CTNNA3: variants seen among roughly 807,000 people sequenced by gnomAD.
CTNNA3 encodes the protein catenin alpha-3.
Under a neutral mutation model 95.7 loss-of-function variants are expected in CTNNA3, and 76 were observed. That is an observed-to-expected ratio of 0.79 (90% CI 0.66 to 0.96). CTNNA3 has a LOEUF of 0.96. CTNNA3 is among the 40% of genes least tolerant of loss of function. CTNNA3 has a pLI of 0.00. For missense variants in CTNNA3, 1,191 were observed against 1,089.8 expected, an observed-to-expected ratio of 1.09 and a Z score of -1.31; for synonymous variants, 431 against 374.4, an observed-to-expected ratio of 1.15 and a Z score of -1.74.
chr10:67,129,686 T>A (rs972075251), intron 7 of CTNNA3, among the ~76,000 whole-genome samples: 2 of 152,154 alleles, frequency 1.3e-5, no homozygotes, highest in Non-Finnish European at 2.9e-5. Flanking sequence ...TTTCTTTACT[T>A]CCTTATGCCC....
intron 10 of CTNNA3, among the ~76,000 whole-genome samples, chr10:66,530,382 G>T (rs1841425334): frequency 6.6e-6 from 1 of 152,080 alleles, no homozygotes; most frequent in Admixed American, 6.5e-5. Context: ...CAAATTCAAT[G>T]CTCTAACTCT....
At chr10:65,950,628 CA>C (rs1408484588) in intron 17 of CTNNA3, among the ~76,000 whole-genome samples, 1 of 152,134 alleles carries the variant, frequency 6.6e-6, no homozygotes, top group Admixed American at 6.5e-5. Context: ...GTTTAGCACA[CA>C]AGAGAAATAA....
At chr10:67,054,802 C>T (rs537497624) in intron 7 of CTNNA3, 9 of 152,212 alleles carry the variant, frequency 5.9e-5, no homozygotes, top group Middle Eastern at 3.4e-3. Context: ...AACTCAGTAA[C>T]CCAAACTGTT....
intron 16 of CTNNA3, among the ~76,000 whole-genome samples, chr10:65,967,200 C>T (rs553010605): frequency 1.4e-4 from 21 of 152,118 alleles, no homozygotes; most frequent in African/African-American, 4.8e-4. Context: ...TCATGATCTG[C>T]CTGCCTTGGC....
At chr10:66,642,766 A>T (rs1845565013) in intron 9 of CTNNA3, among the ~76,000 whole-genome samples, 1 of 152,196 alleles carries the variant, frequency 6.6e-6, no homozygotes, top group Non-Finnish European at 1.5e-5. Context: ...CATACCATTA[A>T]GTACTTAATT....
chr10:66,923,185 A>G (rs911248265), intron 7 of CTNNA3, among the ~76,000 whole-genome samples: 4 of 152,248 alleles, frequency 2.6e-5, no homozygotes, highest in African/African-American at 9.6e-5. Context: ...TAAAAGAAAA[A>G]TGTCTGAAAA....
At chr10:67,552,986 T>A (rs1399049958) in intron 3 of CTNNA3, among the ~76,000 whole-genome samples, 1 of 152,268 alleles carries the variant, frequency 6.6e-6, no homozygotes, top group Middle Eastern at 3.4e-3. Flanking sequence ...TTAACCCCGT[T>A]TTTTTACCAC....
intron 12 of CTNNA3, among the ~76,000 whole-genome samples, chr10:66,314,427 T>C (rs1011262433): frequency 2.0e-5 from 3 of 152,182 alleles, no homozygotes; most frequent in African/African-American, 7.2e-5. Flanking sequence ...GTGGAAAACA[T>C]CTGTGTGATT....
At chr10:66,803,921 T>C (rs1464541245) in intron 7 of CTNNA3, among the ~76,000 whole-genome samples, 2 of 151,822 alleles carry the variant, frequency 1.3e-5, no homozygotes, top group African/African-American at 2.4e-5. Context: ...ATGACACTGA[T>C]ATACAAACTA....
intron 15 of CTNNA3, among the ~76,000 whole-genome samples, chr10:66,034,330 G>C (rs919022481): frequency 6.6e-6 from 1 of 151,930 alleles, no homozygotes. Context: ...TGAAGTTCTC[G>C]GCATACTTCT....
intron 1 of CTNNA3, among the ~76,000 whole-genome samples, chr10:67,742,959 T>A (rs539036530): frequency 2.0e-5 from 3 of 151,292 alleles, no homozygotes; most frequent in African/African-American, 7.2e-5. Context: ...CAGGAAGAAG[T>A]TGAATCTCTG....
intron 3 of CTNNA3, among the ~76,000 whole-genome samples, chr10:67,559,426 G>A (rs1353112731): frequency 6.6e-6 from 1 of 152,146 alleles, no homozygotes; most frequent in Non-Finnish European, 1.5e-5. Context: ...TGCAGCTGAG[G>A]GTCCTGTCTG....
intron 17 of CTNNA3, among the ~76,000 whole-genome samples, chr10:65,923,037 C>T (rs2077114485): frequency 6.6e-6 from 1 of 152,156 alleles, no homozygotes; most frequent in African/African-American, 2.4e-5. Context: ...ATGATCCAGT[C>T]ACCTCCCTCC....
At chr10:67,140,439 CAT>C (rs1247921785) in intron 7 of CTNNA3, among the ~76,000 whole-genome samples, 4 of 152,100 alleles carry the variant, frequency 2.6e-5, no homozygotes, top group African/African-American at 9.7e-5. Flanking sequence ...TTAATAATTA[CAT>C]ATAACTGGTT....
intron 1 of CTNNA3, among the ~76,000 whole-genome samples, chr10:67,661,099 G>A (rs1840172382): frequency 2.0e-5 from 3 of 151,898 alleles, no homozygotes; most frequent in African/African-American, 4.8e-5. Context: ...CCCTATGGAG[G>A]GCAAATATGC....
intron 11 of CTNNA3, among the ~76,000 whole-genome samples, chr10:66,454,607 A>G (rs2093483871): frequency 6.8e-6 from 1 of 147,154 alleles, no homozygotes; most frequent in South Asian, 2.2e-4. Context: ...TCTTCTCAAA[A>G]ATGTCATCTT....
At chr10:66,534,587 T>C (rs1589387702) in intron 10 of CTNNA3, among the ~76,000 whole-genome samples, 2 of 149,880 alleles carry the variant, frequency 1.3e-5, no homozygotes, top group African/African-American at 4.9e-5. Flanking sequence ...TCCCTGAGAA[T>C]AGAATAATGT....
At chr10:66,861,144 G>T (rs547098828) in intron 7 of CTNNA3, among the ~76,000 whole-genome samples, 152 of 152,266 alleles carry the variant, frequency 1.0e-3, no homozygotes, top group African/African-American at 3.4e-3. Context: ...AATACTGAGG[G>T]TGCTATGATG....
intron 10 of CTNNA3, among the ~76,000 whole-genome samples, chr10:66,533,891 C>A (rs1440580556): frequency 6.6e-6 from 1 of 152,110 alleles, no homozygotes; most frequent in East Asian, 1.9e-4. Context: ...GGCAACATAG[C>A]AAGACCCCAT....
Sources: gnomAD v4.1 joint callset for allele counts (sites outside exome capture counted in the v4.1 genomes callset) on GRCh38, gnomAD v4.1.1 for gene constraint, MANE v1.5 for transcripts, NCBI Gene and HGNC (gene_info 2026-07-23, HGNC 2026-07-21) for gene names.